Variants in RELN observed in about 807,000 individuals in gnomAD.
RELN encodes reelin.
In RELN, 108 loss-of-function variants were observed where a neutral mutation model predicts 427.6. The ratio of observed to expected loss-of-function variants is 0.25; its 90% CI spans 0.22 to 0.30. RELN has a LOEUF of 0.30. Among genes scored for constraint, RELN ranks in the 10% least tolerant of loss-of-function variants. RELN has a pLI of 1.00. For missense variants in RELN, 3,715 were observed against 4,302.8 expected (o/e 0.86, Z 3.82); for synonymous variants, 1,524 against 1,513.4 (o/e 1.01, Z -0.16).
chr7:103,749,981 G>GT (rs58017725), intron 5 of RELN, among the ~76,000 whole-genome samples: 11,364 of 151,236 alleles, frequency 0.075, 553 homozygotes, highest in East Asian at 0.19. Context: ...AGATTTGATG[G>GT]TTTTTTTTTA....
chr7:103,783,770 A>C (rs1440078843), intron 3 of RELN, among the ~76,000 whole-genome samples: 2 of 152,160 alleles, frequency 1.3e-5, no homozygotes, highest in East Asian at 3.9e-4. Flanking sequence ...CTTTCTTCCA[A>C]AGTGATTCAG....
chr7:103,846,543 A>C (rs1031566826), intron 2 of RELN, among the ~76,000 whole-genome samples: 1 of 152,214 alleles, frequency 6.6e-6, no homozygotes, highest in African/African-American at 2.4e-5. Context: ...TAAAACACCA[A>C]AAGCAACGGC....
chr7:103,734,375 T>G (rs1790439132), intron 6 of RELN, among the ~76,000 whole-genome samples: 1 of 152,196 alleles, frequency 6.6e-6, no homozygotes, highest in African/African-American at 2.4e-5. Context: ...AATCTAAGAA[T>G]GCTTTTCCCC....
chr7:103,649,931 T>G (rs553004236), intron 16 of RELN, among the ~76,000 whole-genome samples: 1 of 152,130 alleles, frequency 6.6e-6, no homozygotes, highest in East Asian at 1.9e-4. Context: ...ATACATGCAG[T>G]ATGATCAATA....
intron 7 of RELN, among the ~76,000 whole-genome samples, chr7:103,724,058 G>T (rs1790142152): frequency 6.6e-6 from 1 of 151,986 alleles, no homozygotes; most frequent in African/African-American, 2.4e-5. Flanking sequence ...ATTTTGCTGG[G>T]TTCTGAAATT....
chr7:103,472,791 A>G lies in RELN; in HGVS notation c.*21T>C. The G allele has an allele frequency of 6.3e-7, 1 of 1,583,484 alleles. No homozygotes were observed. The highest frequency in any genetic ancestry group is 8.7e-7 in the Non-Finnish European group (1 of 1,152,142). On this transcript the variant is annotated 3_prime_UTR_variant, in exon 65 of 65. Coordinates refer to ENST00000428762, the MANE Select transcript of RELN (RefSeq NM_005045.4). Reference sequence around the variant, plus strand: ...GCAACACATCACATGTTGGAAGAAAAAAAATAAACTTTTTGATTCTTCATG... The same window carrying G: ...GCAACACATCACATGTTGGAAGAAAGAAAATAAACTTTTTGATTCTTCATG...
At chr7:103,717,941 G>A (rs1459637798) in intron 8 of RELN, among the ~76,000 whole-genome samples, 10 of 152,088 alleles carry the variant, frequency 6.6e-5, no homozygotes, top group African/African-American at 2.2e-4. Context: ...ATCAAGTTCT[G>A]AGTAATTAAG....
intron 2 of RELN, among the ~76,000 whole-genome samples, chr7:103,865,482 A>G (rs1003072542): frequency 2.6e-5 from 4 of 152,198 alleles, no homozygotes; most frequent in African/African-American, 9.6e-5. Context: ...CCTAATGAAC[A>G]TAAATGCAAC....
rs1220853476 is a variant in RELN, at chr7:103,619,800, A to C, written c.2703-7997T>G. Reference sequence around the variant, plus strand: ...ACTGCAGGAGACCATGCACCCAGGGAAGAATCAATCCTCACAGCTCTTGTG... The same window carrying C: ...ACTGCAGGAGACCATGCACCCAGGGCAGAATCAATCCTCACAGCTCTTGTG... On this transcript the variant is annotated intron_variant, in intron 20 of 64. Transcript: ENST00000428762. Among the ~76,000 whole-genome samples, 3 of 152,048 alleles carry C rather than the reference A, an allele frequency of 2.0e-5. No individual in the cohort carries two copies. The East Asian group carries it at 5.8e-4, about 29-fold the overall frequency.
In RELN at chr7:103,640,633, T is replaced by G; in HGVS notation, c.2003-24A>C. 2 of 1,612,076 alleles carry G rather than the reference T, an allele frequency of 1.2e-6. No homozygotes were observed. The highest frequency in any genetic ancestry group is 1.3e-5 in the African/African-American group (1 of 74,962). On this transcript the variant is annotated intron_variant, in intron 16 of 64. Transcript: ENST00000428762. This position sits in a 1 kb window ranked among gnomAD's most constrained non-coding sequence, Gnocchi z 4.1. ...AACTGTGGGAGGGAAAAAGAGAACA[T>G]AATTACAAAAACATAGAACACTACC...
In RELN at chr7:103,620,797, C is replaced by T. The variant is rs1832201408; in HGVS notation, c.2703-8994G>A. Among the ~76,000 whole-genome samples the T allele has an allele frequency of 6.6e-6, 1 of 151,994 alleles. No individual in the cohort carries two copies. The highest frequency in any genetic ancestry group is 2.4e-5 in the African/African-American group (1 of 41,388). On this transcript the variant is annotated intron_variant, in intron 20 of 64. Coordinates refer to ENST00000428762, the MANE Select transcript of RELN (RefSeq NM_005045.4). This position sits in a 1 kb window ranked among gnomAD's most constrained non-coding sequence, Gnocchi z 4.1. ...CCTAACCTGATCCACATTTATACCA[C>T]TTCTCATTAGGATTTGCCCTTTCAA... is the stretch of plus-strand genomic sequence containing the variant.
At chr7:103,913,023 C>T (rs866215971) in intron 2 of RELN, among the ~76,000 whole-genome samples, 52 of 152,224 alleles carry the variant, frequency 3.4e-4, no homozygotes, top group African/African-American at 1.2e-3. Flanking sequence ...TATTTCAAAT[C>T]AGGCATTGCT....
At chr7:103,504,969 G>A (rs1829158536) in intron 51 of RELN, among the ~76,000 whole-genome samples, 1 of 152,144 alleles carries the variant, frequency 6.6e-6, no homozygotes, top group African/African-American at 2.4e-5. Flanking sequence ...CCAGAAGTTT[G>A]AAATGGGTGG....
chr7:103,973,496 T>G (rs1211157755), intron 1 of RELN, among the ~76,000 whole-genome samples: 3 of 152,024 alleles, frequency 2.0e-5, no homozygotes, highest in African/African-American at 4.8e-5. Flanking sequence ...ATAAATATAT[T>G]AACACAATGG....
Position 103,519,934 on chromosome 7 carries a change from C to T in RELN, c.7669-418G>A, listed in dbSNP as rs141637070. Among the ~76,000 whole-genome samples the T allele has an allele frequency of 3.3e-5, 5 of 152,192 alleles. No homozygotes were observed. In the East Asian group the frequency reaches 9.7e-4, roughly 29 times the overall value. ...TACCCTCTTTCTTACTATGCTAGCTCTTAGTATTTTGCCTAGTACACAGTA... is the reference window on the plus strand; with the variant it reads ...TACCCTCTTTCTTACTATGCTAGCTTTTAGTATTTTGCCTAGTACACAGTA... On this transcript the variant is annotated intron_variant, in intron 48 of 64. Transcript: ENST00000428762.
rs113609207 is a variant in RELN at position 103,836,842 on chromosome 7, A to G, written c.338-3170T>C. Among the ~76,000 whole-genome samples, 1,286 of 152,316 alleles carry G rather than the reference A, an allele frequency of 8.4e-3. 16 individuals carry two copies. The highest frequency in any genetic ancestry group is 0.029 in the African/African-American group (1,195 of 41,572). On this transcript the variant is annotated intron_variant, in intron 2 of 64. Coordinates refer to ENST00000428762, the MANE Select transcript of RELN (RefSeq NM_005045.4). Reference sequence around the variant, plus strand: ...GCACTTAGCCCAAGGCATTTGGAATATTCTGCTTCTTAACTTTCTTTACTT... The same window carrying G: ...GCACTTAGCCCAAGGCATTTGGAATGTTCTGCTTCTTAACTTTCTTTACTT...
At chr7:103,815,253 T>C (rs1481843210) in intron 3 of RELN, among the ~76,000 whole-genome samples, 1 of 152,192 alleles carries the variant, frequency 6.6e-6, no homozygotes, top group African/African-American at 2.4e-5. Flanking sequence ...CTATCAGCCA[T>C]ATAATCATAT....
intron 2 of RELN, among the ~76,000 whole-genome samples, chr7:103,872,026 A>ATTTTT (rs201501048): frequency 1.1e-4 from 10 of 88,110 alleles, no homozygotes; most frequent in Non-Finnish European, 2.1e-4. Flanking sequence ...ATATATATAT[A>ATTTTT]TATATTTTTC....
chr7:103,540,356 C>T lies in RELN; in HGVS notation c.6771G>A (p.Ser2257=), dbSNP rs367867782. 55 of 1,614,106 alleles carry T rather than the reference C, an allele frequency of 3.4e-5. 2 individuals carry two copies. Among genetic ancestry groups the T allele is most frequent in the East Asian group, 2.9e-4 (13 of 44,880 alleles). The change falls in exon 44 of 65, where the codon TCG becomes TCA. Residue 2257 remains serine, a synonymous_variant. Transcript: ENST00000428762. ...AAAGGAACTCCTGAAGAAGACTCCA[C>T]GAGAGGCCACCGTTGAGAGAATACT... ...LLQYSLNGGL[S]WSLLQEFLFS...
Sources: gnomAD v4.1 joint callset for allele counts (sites outside exome capture counted in the v4.1 genomes callset) on GRCh38, gnomAD v4.1.1 for gene constraint, Gnocchi (gnomAD v3.1) non-coding constraint, MANE v1.5 for transcripts, NCBI Gene and HGNC (gene_info 2026-07-23, HGNC 2026-07-21) for gene names.